The following ABCC1 variants were observed in gnomAD, a reference collection of about 807,000 sequenced individuals.
ABCC1 encodes the protein multidrug resistance-associated protein 1.
Under a neutral mutation model 172.9 loss-of-function variants are expected in ABCC1, and 83 were observed. The ratio of observed to expected loss-of-function variants is 0.48; its 90% CI spans 0.40 to 0.58. ABCC1 has a LOEUF of 0.58. Among genes scored for constraint, ABCC1 ranks in the 20% least tolerant of loss-of-function variants. The probability of loss-of-function intolerance (pLI) is 0.00; values close to 1 mark genes in which losing one functional copy is unlikely to be tolerated. For missense variants in ABCC1, 1,817 were observed against 2,002.7 expected, an observed-to-expected ratio of 0.91 and a Z score of 1.77; for synonymous variants, 937 against 825.2, an observed-to-expected ratio of 1.14 and a Z score of -2.32.
At chr16:16,126,390 G>T (rs993243616) in intron 26 of ABCC1, among the ~76,000 whole-genome samples, 8 of 152,038 alleles carry the variant, frequency 5.3e-5, no homozygotes, top group Admixed American at 6.6e-5. Flanking sequence ...TATGAATTTG[G>T]TTTTTTTGTG....
rs2047836453 is a variant in ABCC1 at position 16,012,706 on chromosome 16, GAGGCA to G, written c.352-1784_352-1780del. On this transcript the variant is annotated intron_variant, in intron 3 of 30. Transcript: ENST00000399410. ...TCCTGGTCTTTTTTTTTTTTCCTTTGAGGCAGAGTTTCGCTCTTTTTTCCCAGGCG... is the reference window on the plus strand; with the variant it reads ...TCCTGGTCTTTTTTTTTTTTCCTTTGGAGTTTCGCTCTTTTTTCCCAGGCG... 2.3e-4 allele frequency among the ~76,000 whole-genome samples: 20 copies of G among 85,582 alleles called. 1 individual carries two copies. The highest frequency in any genetic ancestry group is 1.4e-3 in the Admixed American group (14 of 10,184). The allele number at this position is 85,582 out of a possible 152,430, so 56.1% of individuals were successfully genotyped here. A position where few individuals can be genotyped will look rare whatever the true frequency, so the allele number is the denominator to read the frequency against.
At chr16:16,098,063 G>A in intron 19 of ABCC1, 1 of 152,260 alleles carries the variant, frequency 6.6e-6, no homozygotes, top group Non-Finnish European at 1.5e-5. Context: ...CAGCCTGGGA[G>A]GGTCCAGGGT....
At chr16:15,988,124 G>T (rs1264572149) in intron 1 of ABCC1, among the ~76,000 whole-genome samples, 2 of 152,024 alleles carry the variant, frequency 1.3e-5, no homozygotes, top group Non-Finnish European at 2.9e-5. Context: ...CGCTATGTTG[G>T]CCAGGCTGGT....
At chr16:16,079,837 A>G (rs954035786) in intron 16 of ABCC1, among the ~76,000 whole-genome samples, 2 of 149,602 alleles carry the variant, frequency 1.3e-5, no homozygotes, top group African/African-American at 4.9e-5. Context: ...TTTTTGAGAC[A>G]GGGTCAGGCT....
chr16:16,061,521 G>A (rs1157765297), intron 12 of ABCC1, among the ~76,000 whole-genome samples: 1 of 152,190 alleles, frequency 6.6e-6, no homozygotes, highest in Non-Finnish European at 1.5e-5. Context: ...TTGGGGGACA[G>A]AATTCTCCCA....
intron 19 of ABCC1, among the ~76,000 whole-genome samples, chr16:16,100,246 C>G (rs1015491714): frequency 6.6e-6 from 1 of 152,174 alleles, no homozygotes; most frequent in Non-Finnish European, 1.5e-5. Context: ...ACAGCCTTAG[C>G]GAGCACTGCA....
intron 13 of ABCC1, among the ~76,000 whole-genome samples, chr16:16,070,120 G>C (rs996778420): frequency 1.3e-5 from 2 of 152,136 alleles, no homozygotes; most frequent in Admixed American, 6.6e-5. Context: ...AGTGGCTCAC[G>C]CCTGTAATCC....
rs759635415 is a variant in ABCC1, at chr16:16,068,106, A to T, written c.1678-50A>T. ...AGGGCCTGTCACTGCTCCTAGGATG[A>T]TGACTCTCACTCGGGGCACAGCAGT... On this transcript the variant is annotated intron_variant, in intron 12 of 30. Coordinates refer to ENST00000399410, the MANE Select transcript of ABCC1 (RefSeq NM_004996.4). The T allele has an allele frequency of 3.1e-6, 5 of 1,609,034 alleles. No individual in the cohort carries two copies. In the African/African-American group the frequency reaches 6.7e-5, roughly 21 times the overall value.
Position 16,044,550 on chromosome 16 carries a change from T to C in ABCC1, c.910T>C (p.Ser304Pro). Residue 304 changes from serine (S) to proline (P), a missense_variant, in exon 8 of 31, where the codon TCC becomes CCC. By Grantham distance (74) the Ser-to-Pro change is moderately conservative (BLOSUM62 -1). This residue lies in a region of ABCC1 where 398 missense variants were observed against 384.2 expected (regional missense o/e 1.04). Transcript: ENST00000399410. ...GGAGGTGGAGGCTTTGATCGTCAAG[T>C]CCCCACAGAAGGAGTGGAACCCCTC... is the stretch of plus-strand genomic sequence containing the variant. The part of the protein sequence containing the change: ...NEEVEALIVK[S>P]PQKEWNPSLF... 6.2e-7 allele frequency: 1 copy of C among 1,614,084 alleles called. No homozygotes were observed. The highest frequency in any genetic ancestry group is 8.5e-7 in the Non-Finnish European group (1 of 1,180,006).
At chr16:16,008,928 CCT>C (rs1273878659) in intron 2 of ABCC1, among the ~76,000 whole-genome samples, 1 of 116,650 alleles carries the variant, frequency 8.6e-6, no homozygotes, top group African/African-American at 2.8e-5. Flanking sequence ...GTCACTGTTT[CCT>C]GTTTTTTTTT....
chr16:16,098,587 C>T (rs1400896664), intron 19 of ABCC1, among the ~76,000 whole-genome samples: 1 of 152,252 alleles, frequency 6.6e-6, no homozygotes, highest in Non-Finnish European at 1.5e-5. Context: ...CCACTTCCCT[C>T]CAGCCTGGGC....
chr16:16,063,147 C>A (rs568992069), intron 12 of ABCC1, among the ~76,000 whole-genome samples: 1 of 152,202 alleles, frequency 6.6e-6, no homozygotes, highest in Admixed American at 6.5e-5. Flanking sequence ...CATTCTGCCG[C>A]CCAGGCTGGA....
rs148762496 is a variant in ABCC1, at chr16:15,976,758, A to G, written c.48+26959A>G. On this transcript the variant is annotated intron_variant, in intron 1 of 30. Coordinates refer to ENST00000399410, the MANE Select transcript of ABCC1 (RefSeq NM_004996.4). ...GGTAGAAGTAACTGCAGCAAACTCA[A>G]CCCCTAACGAGTATTCTATCTTCCC... is the stretch of plus-strand genomic sequence containing the variant. 1.6e-3 allele frequency among the ~76,000 whole-genome samples: 246 copies of G among 152,230 alleles called. 1 individual carries two copies. The highest frequency in any genetic ancestry group is 5.6e-3 in the African/African-American group (233 of 41,536).
At chr16:16,052,293 G>A (rs1262854848) in intron 10 of ABCC1, among the ~76,000 whole-genome samples, 1 of 152,048 alleles carries the variant, frequency 6.6e-6, no homozygotes, top group African/African-American at 2.4e-5. Flanking sequence ...CCCAGGAGTT[G>A]GAGACCAGCC....
chr16:15,956,190 A>G (rs550417826), intron 1 of ABCC1, among the ~76,000 whole-genome samples: 1 of 152,178 alleles, frequency 6.6e-6, no homozygotes, highest in South Asian at 2.1e-4. Flanking sequence ...CCTGGCCAAC[A>G]TGGTAAAACC....
intron 5 of ABCC1, among the ~76,000 whole-genome samples, chr16:16,019,353 C>T (rs935992211): frequency 7.2e-5 from 11 of 152,164 alleles, no homozygotes; most frequent in African/African-American, 2.7e-4. Context: ...ATCCACCCGC[C>T]TCGGCCTCCC....
At chr16:15,972,685 G>GA (rs1441451412) in intron 1 of ABCC1, among the ~76,000 whole-genome samples, 1 of 151,614 alleles carries the variant, frequency 6.6e-6, no homozygotes, top group Non-Finnish European at 1.5e-5. Context: ...AGGGAGGCAG[G>GA]AAAAATGAGC....
chr16:16,052,912 G>C, intron 11 of ABCC1, 96 bp downstream of exon 11: 1 of 1,227,870 alleles, frequency 8.1e-7, no homozygotes, highest in Non-Finnish European at 1.2e-6. Flanking sequence ...TGTCCCTGGG[G>C]TTCTCAGCCT....
At chr16:16,077,071 A>G (rs769635114) in intron 15 of ABCC1, among the ~76,000 whole-genome samples, 2 of 152,140 alleles carry the variant, frequency 1.3e-5, no homozygotes, top group African/African-American at 2.4e-5. Context: ...TCCAAAGCAC[A>G]TGATGTCTAG....
Sources: gnomAD v4.1 joint callset for allele counts (sites outside exome capture counted in the v4.1 genomes callset) on GRCh38, gnomAD v4.1.1 for gene constraint, gnomAD v4.1.1 regional missense constraint, MANE v1.5 for transcripts, NCBI Gene and HGNC (gene_info 2026-07-23, HGNC 2026-07-21) for gene names.